SMYD3: variants seen among roughly 807,000 people sequenced by gnomAD.
The protein encoded by SMYD3 is histone-lysine N-methyltransferase SMYD3.
A neutral mutation model predicts 57.7 loss-of-function variants in SMYD3; 36 were observed. That is an observed-to-expected ratio of 0.62 (90% CI 0.48 to 0.82). SMYD3 has a LOEUF of 0.82. Among genes scored for constraint, SMYD3 ranks in the 40% least tolerant of loss-of-function variants. The probability of loss-of-function intolerance (pLI) is 0.00; values close to 1 mark genes in which losing one functional copy is unlikely to be tolerated. For synonymous variants in SMYD3, 211 were observed against 195.0 expected, an observed-to-expected ratio of 1.08 and a Z score of -0.68; for missense variants, 515 against 538.8, an observed-to-expected ratio of 0.96 and a Z score of 0.44.
chr1:246,474,614 T>G (rs1235073703), intron 1 of SMYD3, among the ~76,000 whole-genome samples: 1 of 151,876 alleles, frequency 6.6e-6, no homozygotes, highest in African/African-American at 2.4e-5. Context: ...ATCAAATAAA[T>G]TCTATGTATA....
At chr1:245,967,502 G>A (rs970152730) in intron 5 of SMYD3, among the ~76,000 whole-genome samples, 1 of 152,192 alleles carries the variant, frequency 6.6e-6, no homozygotes, top group African/African-American at 2.4e-5. Flanking sequence ...GGCATTTGTG[G>A]AAGTGTGGAG....
At chr1:246,494,142 GCTC>G (rs1263167885) in intron 1 of SMYD3, among the ~76,000 whole-genome samples, 1 of 152,088 alleles carries the variant, frequency 6.6e-6, no homozygotes, top group Non-Finnish European at 1.5e-5. Context: ...ATCTCTATGG[GCTC>G]CTCAAGAGTT....
chr1:246,402,480 G>A (rs376869140), intron 1 of SMYD3, among the ~76,000 whole-genome samples: 3 of 151,838 alleles, frequency 2.0e-5, no homozygotes, highest in East Asian at 3.9e-4. Context: ...GAGGTTAATC[G>A]AGACAGAGTG....
intron 5 of SMYD3, among the ~76,000 whole-genome samples, chr1:246,022,390 C>T (rs1301012230): frequency 4.6e-5 from 7 of 152,124 alleles, no homozygotes; most frequent in African/African-American, 1.7e-4. Context: ...CTACAGTGCA[C>T]AGCGAGGGGG....
rs1434181968 is a variant in SMYD3, at chr1:246,162,404, C to G, written c.531+164797G>C. 8.5e-5 allele frequency among the ~76,000 whole-genome samples: 13 copies of G among 152,152 alleles called. 1 individual carries two copies. The highest frequency in any genetic ancestry group is 8.5e-4 in the Admixed American group (13 of 15,270). ...GTTGACACCATATAAATAAATATTT[C>G]TGAAGATTGCAGCCAACTGATCTGA... On this transcript the variant is annotated intron_variant, in intron 5 of 11. Coordinates refer to ENST00000490107, the MANE Select transcript of SMYD3 (RefSeq NM_001167740.2).
intron 5 of SMYD3, among the ~76,000 whole-genome samples, chr1:246,181,755 T>G (rs2062554854): frequency 6.6e-6 from 1 of 152,198 alleles, no homozygotes; most frequent in Non-Finnish European, 1.5e-5. Context: ...CTGAGATATA[T>G]TAGTACTTCT....
At chr1:245,946,414 C>T (rs2057429788) in intron 5 of SMYD3, among the ~76,000 whole-genome samples, 6 of 152,134 alleles carry the variant, frequency 3.9e-5, no homozygotes, top group Non-Finnish European at 5.9e-5. Flanking sequence ...ATATGTTGTC[C>T]ATGAGAGGAA....
intron 5 of SMYD3, among the ~76,000 whole-genome samples, chr1:246,098,152 G>A (rs556677288): frequency 6.6e-5 from 10 of 152,060 alleles, no homozygotes; most frequent in African/African-American, 1.4e-4. Context: ...ATCTATACCC[G>A]CACCCAAAAA....
At position 246,356,821 on chromosome 1, in the gene SMYD3, T is replaced by A. The variant is rs116535708; in HGVS notation, c.165-1727A>T. Among the ~76,000 whole-genome samples the A allele has an allele frequency of 9.4e-3, 1,427 of 152,264 alleles. 27 individuals are homozygous for A. Among genetic ancestry groups the A allele is most frequent in the African/African-American group, 0.032 (1,325 of 41,544 alleles). Reference sequence around the variant, plus strand: ...GTTAAGCATGCAAATCTAAGAATAATTGGTGTTCCCAAGACAAAAAAAAGA... The same window carrying A: ...GTTAAGCATGCAAATCTAAGAATAAATGGTGTTCCCAAGACAAAAAAAAGA... On this transcript the variant is annotated intron_variant, in intron 1 of 11. Transcript: ENST00000490107.
chr1:245,764,502 G>A (rs2045986874), intron 10 of SMYD3, among the ~76,000 whole-genome samples: 1 of 152,118 alleles, frequency 6.6e-6, no homozygotes, highest in Non-Finnish European at 1.5e-5. Context: ...CTTCCATGAA[G>A]CATCAGCATC....
chr1:246,146,317 G>A (rs953748458), intron 5 of SMYD3, among the ~76,000 whole-genome samples: 4 of 152,148 alleles, frequency 2.6e-5, no homozygotes, highest in Non-Finnish European at 5.9e-5. Flanking sequence ...AGCAACCCAG[G>A]ACATTTGTAT....
At chr1:246,279,390 G>A (rs560669179) in intron 5 of SMYD3, among the ~76,000 whole-genome samples, 63 of 151,980 alleles carry the variant, frequency 4.1e-4, no homozygotes, top group African/African-American at 1.4e-3. Context: ...GCATGGTGGC[G>A]CGTGCCTGTA....
At chr1:246,211,658 A>C (rs1332319608) in intron 5 of SMYD3, among the ~76,000 whole-genome samples, 1 of 152,138 alleles carries the variant, frequency 6.6e-6, no homozygotes, top group African/African-American at 2.4e-5. Flanking sequence ...AATTTTTATC[A>C]ATATGTCCTA....
intron 10 of SMYD3, among the ~76,000 whole-genome samples, chr1:245,788,025 G>A (rs2047115681): frequency 1.3e-5 from 2 of 152,320 alleles, no homozygotes; most frequent in South Asian, 2.1e-4. Context: ...GATTAGCACA[G>A]GGAACAGGGC....
chr1:245,874,155 G>A (rs1458178169), intron 8 of SMYD3, among the ~76,000 whole-genome samples: 1 of 152,146 alleles, frequency 6.6e-6, no homozygotes, highest in Non-Finnish European at 1.5e-5. Flanking sequence ...AACAACCCCA[G>A]CCATAGCACA....
chr1:246,490,001 C>CTTTTT (rs71968916), intron 1 of SMYD3, among the ~76,000 whole-genome samples: 1 of 92,310 alleles, frequency 1.1e-5, no homozygotes, highest in Admixed American at 1.4e-4. Context: ...TAATTTTTTC[C>CTTTTT]TTTTTTTTTT....
At chr1:246,480,484 C>T (rs753602341) in intron 1 of SMYD3, among the ~76,000 whole-genome samples, 3 of 152,116 alleles carry the variant, frequency 2.0e-5, no homozygotes, top group Non-Finnish European at 4.4e-5. Flanking sequence ...CTTTTTTTTA[C>T]TATATTAAAA....
chr1:246,022,793 T>C (rs2059495913), intron 5 of SMYD3, among the ~76,000 whole-genome samples: 1 of 152,130 alleles, frequency 6.6e-6, no homozygotes, highest in Non-Finnish European at 1.5e-5. Flanking sequence ...TTTCAAAAAT[T>C]AGGAGTGGCT....
chr1:246,141,202 T>A (rs201062403), intron 5 of SMYD3, among the ~76,000 whole-genome samples: 1 of 152,086 alleles, frequency 6.6e-6, no homozygotes, highest in Admixed American at 6.5e-5. Context: ...GAGCAGTCAC[T>A]TGAACCCAAA....
Sources: allele counts gnomAD v4.1 joint callset (sites outside exome capture counted in the v4.1 genomes callset), GRCh38; gene constraint gnomAD v4.1.1; transcripts MANE v1.5; gene names NCBI Gene and HGNC (gene_info 2026-07-23, HGNC 2026-07-21).